The following TNS3 variants were observed in gnomAD, a reference collection of about 807,000 sequenced individuals.
TNS3 encodes tensin 3, also known as tensin-3.
In TNS3, 45 loss-of-function variants were observed where a neutral mutation model predicts 140.9. The observed-to-expected ratio is 0.32, with a 90% CI of 0.25 to 0.41. The LOEUF is 0.41. Ranked by LOEUF, TNS3 falls within the 10% of genes least tolerant of loss-of-function variation. The pLI is 1.00. For synonymous variants in TNS3, 815 were observed against 788.4 expected, an observed-to-expected ratio of 1.03 and a Z score of -0.56; for missense variants, 1,716 against 1,906.7, an observed-to-expected ratio of 0.90 and a Z score of 1.86.
intron 20 of TNS3, among the ~76,000 whole-genome samples, chr7:47,330,747 C>A (rs1212445608): frequency 1.3e-5 from 2 of 152,060 alleles, no homozygotes; most frequent in Admixed American, 6.5e-5. Context: ...AAGGGAGGAG[C>A]TGGGGCGCCC....
intron 6 of TNS3, among the ~76,000 whole-genome samples, chr7:47,437,521 G>A (rs570780608): frequency 1.3e-5 from 2 of 151,734 alleles, no homozygotes; most frequent in East Asian, 1.9e-4. Flanking sequence ...ATTTTTACAT[G>A]ATGTTTCCCT....
At chr7:47,562,767 T>C in intron 1 of TNS3, among the ~76,000 whole-genome samples, 1 of 152,238 alleles carries the variant, frequency 6.6e-6, no homozygotes, top group South Asian at 2.1e-4. Flanking sequence ...GATGCTGGTA[T>C]GGCAGTGGAA....
At chr7:47,389,144 G>GC (rs1792346024) in intron 16 of TNS3, among the ~76,000 whole-genome samples, 2 of 56,854 alleles carry the variant, frequency 3.5e-5, no homozygotes, top group South Asian at 7.7e-4. Context: ...AGAAGAAGAA[G>GC]AAGAAGAAGA....
chr7:47,365,682 C>T (rs1790655092), intron 17 of TNS3, among the ~76,000 whole-genome samples: 1 of 152,058 alleles, frequency 6.6e-6, no homozygotes, highest in African/African-American at 2.4e-5. Context: ...ATGGTGCGAA[C>T]CCGGGAGGTG....
intron 1 of TNS3, among the ~76,000 whole-genome samples, chr7:47,563,285 C>T (rs900350491): frequency 3.3e-5 from 5 of 152,288 alleles, no homozygotes; most frequent in Admixed American, 6.5e-5. Flanking sequence ...ACCATCTGGA[C>T]GGTGAGATAA....
intron 3 of TNS3, among the ~76,000 whole-genome samples, chr7:47,500,267 G>A (rs1798162350): frequency 6.6e-6 from 1 of 152,208 alleles, no homozygotes; most frequent in Non-Finnish European, 1.5e-5. Context: ...AATGTCTGCT[G>A]AACTGGCTGG....
chr7:47,423,125 G>A (rs1244421030), intron 10 of TNS3, among the ~76,000 whole-genome samples: 1 of 152,206 alleles, frequency 6.6e-6, no homozygotes, highest in Non-Finnish European at 1.5e-5. Context: ...CATGTCTGCT[G>A]ACATAGCCCT....
intron 4 of TNS3, among the ~76,000 whole-genome samples, chr7:47,453,498 A>G (rs1332456265): frequency 6.6e-6 from 1 of 151,924 alleles, no homozygotes; most frequent in Non-Finnish European, 1.5e-5. Context: ...CCCCAACCCC[A>G]TTCTCTCCTT....
In TNS3 at chr7:47,529,109, G is replaced by C. The variant is rs895028402; in HGVS notation, c.-226C>G. On this transcript the variant is annotated 5_prime_UTR_variant, in exon 2 of 31. Transcript: ENST00000311160. Reference sequence around the variant, plus strand: ...ACACTTTGGATTTTTTAAAGGCCTTGTTCTTAAAAGCGTGCAGACTCGAGG... The same window carrying C: ...ACACTTTGGATTTTTTAAAGGCCTTCTTCTTAAAAGCGTGCAGACTCGAGG... 2 of 1,288,566 alleles carry C rather than the reference G, an allele frequency of 1.6e-6. No individual in the cohort carries two copies. Among genetic ancestry groups the C allele is most frequent in the Non-Finnish European group, 2.0e-6 (2 of 988,566 alleles). The allele number at this position is 1,288,566 out of a possible 1,614,324, so 79.8% of individuals were successfully genotyped here. A position where few individuals can be genotyped will look rare whatever the true frequency, so the allele number is the denominator to read the frequency against.
Position 47,451,705 on chromosome 7 carries a change from A to G in TNS3, c.-75-9650T>C, listed in dbSNP as rs73695339. Among the ~76,000 whole-genome samples, 613 of 152,374 alleles carry G rather than the reference A, an allele frequency of 4.0e-3. 2 individuals are homozygous for G. The highest frequency in any genetic ancestry group is 0.014 in the African/African-American group (580 of 41,594). ...CCGGGCCATGTGTGAGGTGAGGACA[A>G]TTAAACAGGTTGGGCTGAGACACCT... On this transcript the variant is annotated intron_variant, in intron 4 of 30. Coordinates refer to ENST00000311160, the MANE Select transcript of TNS3 (RefSeq NM_022748.12).
intron 13 of TNS3, among the ~76,000 whole-genome samples, chr7:47,409,571 C>T (rs1421584468): frequency 6.6e-6 from 1 of 152,186 alleles, no homozygotes; most frequent in African/African-American, 2.4e-5. Context: ...TGAGATGCTG[C>T]CTCCCAGGGC....
In TNS3 at chr7:47,509,235, A is replaced by G. The variant is rs545621080; in HGVS notation, c.-152-2291T>C. On this transcript the variant is annotated intron_variant, in intron 2 of 30. Coordinates refer to ENST00000311160, the MANE Select transcript of TNS3 (RefSeq NM_022748.12). The stretch of plus-strand genomic sequence containing the variant: ...GGCAAAATCATTAAATTCAATTATC[A>G]TAGTGAAATCATATAAACTGCCCAT... Among the ~76,000 whole-genome samples the G allele has an allele frequency of 3.3e-5, 5 of 152,322 alleles. No homozygotes were observed. In the South Asian group the frequency reaches 8.3e-4, roughly 25 times the overall value.
At chr7:47,411,913 G>C in intron 12 of TNS3, 111 bp from the exon 13 acceptor site, 1 of 919,640 alleles carries the variant, frequency 1.1e-6, no homozygotes, top group Non-Finnish European at 1.7e-6. Context: ...TACACAGAAT[G>C]CCCAATCAGC....
intron 15 of TNS3, 94 bp downstream of exon 15, chr7:47,400,299 A>T: frequency 1.0e-6 from 1 of 995,232 alleles, no homozygotes; most frequent in Non-Finnish European, 1.6e-6. Context: ...ATATGCACAA[A>T]GGCAGGAGAC....
chr7:47,531,239 T>G (rs1799394801), intron 1 of TNS3, among the ~76,000 whole-genome samples: 1 of 152,068 alleles, frequency 6.6e-6, no homozygotes, highest in African/African-American at 2.4e-5. Flanking sequence ...AACCTGCACA[T>G]GTACCCTGAA....
intron 3 of TNS3, among the ~76,000 whole-genome samples, chr7:47,492,947 G>A (rs890374752): frequency 2.0e-5 from 3 of 152,212 alleles, no homozygotes; most frequent in Non-Finnish European, 4.4e-5. Context: ...CAGAGCCTCG[G>A]GCGATGACAT....
chr7:47,437,217 G>C (rs370219258), intron 7 of TNS3, 46 bp downstream of exon 7: 29 of 1,351,814 alleles, frequency 2.1e-5, no homozygotes, highest in Non-Finnish European at 2.9e-5. Flanking sequence ...AATAAGCATT[G>C]TTTACATTTT....
chr7:47,396,578 T>C (rs943671401), intron 16 of TNS3: 7 of 558,982 alleles, frequency 1.3e-5, no homozygotes, highest in Non-Finnish European at 2.2e-5. Flanking sequence ...ATCCACCCGT[T>C]ACAGCTTCAC....
At chr7:47,479,991 G>A (rs1016657903) in intron 4 of TNS3, among the ~76,000 whole-genome samples, 5 of 152,218 alleles carry the variant, frequency 3.3e-5, no homozygotes, top group African/African-American at 9.6e-5. Context: ...AGATGGGCAG[G>A]GGGCAAGGGC....
Sources: allele counts gnomAD v4.1 joint callset (sites outside exome capture counted in the v4.1 genomes callset), GRCh38; gene constraint gnomAD v4.1.1; transcripts MANE v1.5; gene names NCBI Gene and HGNC (gene_info 2026-07-23, HGNC 2026-07-21).